Variants in WNK1 observed in about 807,000 individuals in gnomAD.
WNK1 encodes the protein WNK lysine deficient protein kinase 1, also known as serine/threonine-protein kinase WNK1.
Under a neutral mutation model 222.8 loss-of-function variants are expected in WNK1, and 38 were observed. The observed-to-expected ratio is 0.17, with a 90% CI of 0.13 to 0.22. WNK1 has a LOEUF of 0.22. Among genes scored for constraint, WNK1 ranks in the 10% least tolerant of loss-of-function variants. WNK1 has a pLI of 1.00. For missense variants in WNK1, 2,348 were observed against 2,918.4 expected (o/e 0.80, Z 4.50); for synonymous variants, 1,090 against 1,092.9 (o/e 1.00, Z 0.05).
chr12:891,602 C>CTTT lies in WNK1; in HGVS notation c.5509+1104_5509+1106dup, dbSNP rs71441624. 4.2e-4 allele frequency among the ~76,000 whole-genome samples: 53 copies of CTTT among 126,012 alleles called. No homozygotes were observed. The South Asian group carries it at 0.011, about 26-fold the overall frequency. The allele number at this position is 126,012 out of a possible 152,430, so 82.7% of individuals were successfully genotyped here. On this transcript the variant is annotated intron_variant, in intron 22 of 27. Transcript: ENST00000315939. ...ATGAAATCATAAGGGGATTTTTTTT[C>CTTT]TTTTTTTTTTTTTTTTTAGTTTTTT...
intron 4 of WNK1, among the ~76,000 whole-genome samples, chr12:847,218 G>T (rs1015522346): frequency 6.6e-6 from 1 of 152,022 alleles, no homozygotes; most frequent in Non-Finnish European, 1.5e-5. Flanking sequence ...TTCACAAGGC[G>T]GTAGACTACA....
At chr12:771,582 A>G (rs1942504873) in intron 1 of WNK1, among the ~76,000 whole-genome samples, 1 of 151,970 alleles carries the variant, frequency 6.6e-6, no homozygotes, top group African/African-American at 2.4e-5. Flanking sequence ...TTACAGGGGT[A>G]TGCCACCACG....
Position 883,548 on chromosome 12 carries a change from T to A in WNK1, c.3643T>A (p.Tyr1215Asn). 6.2e-7 allele frequency: 1 copy of A among 1,613,614 alleles called. No individual in the cohort carries two copies. The highest frequency in any genetic ancestry group is 8.5e-7 in the Non-Finnish European group (1 of 1,179,712). Reference sequence around the variant, plus strand: ...GGAGAGTCTACAAGGAAAGGATGACTATGGCTTTTCAGGTTCTCAGGTAGG... The same window carrying A: ...GGAGAGTCTACAAGGAAAGGATGACAATGGCTTTTCAGGTTCTCAGGTAGG... ...GLESLQGKDD[Y>N]GFSGSQKLEG... is the part of the protein sequence containing the mutation. The change falls in exon 16 of 28, where the codon TAT becomes AAT. Residue 1215 changes from tyrosine (Y) to asparagine (N), a missense_variant. Physicochemically the swap from Tyr to Asn is moderately radical, Grantham distance 143 (BLOSUM62 -2). This residue lies in a region of WNK1 where 1,144 missense variants were observed against 1,273.6 expected (regional missense o/e 0.90). Transcript: ENST00000315939.
intron 1 of WNK1, among the ~76,000 whole-genome samples, chr12:755,076 A>G (rs1374237042): frequency 6.6e-6 from 1 of 152,222 alleles, no homozygotes; most frequent in Non-Finnish European, 1.5e-5. Flanking sequence ...AAGGAGTCGC[A>G]GCACTTCCTT....
At chr12:758,402 A>T (rs1328721317) in intron 1 of WNK1, among the ~76,000 whole-genome samples, 5 of 30,556 alleles carry the variant, frequency 1.6e-4, no homozygotes, top group African/African-American at 5.2e-4. Flanking sequence ...TTTTTTTGAG[A>T]CGGAGTCTCG....
intron 1 of WNK1, among the ~76,000 whole-genome samples, chr12:772,428 T>A (rs544658399): frequency 1.4e-5 from 1 of 69,532 alleles, no homozygotes; most frequent in Admixed American, 1.3e-4. Flanking sequence ...TGTGTGTATG[T>A]ATGTGTGTGT....
chr12:856,358 G>A (rs896385385), intron 4 of WNK1, among the ~76,000 whole-genome samples: 5 of 151,904 alleles, frequency 3.3e-5, no homozygotes, highest in African/African-American at 1.2e-4. Flanking sequence ...GGAGGCTGAG[G>A]CAGGAGAATC....
chr12:891,038 G>A (rs780706058), intron 22 of WNK1, among the ~76,000 whole-genome samples: 1 of 152,130 alleles, frequency 6.6e-6, no homozygotes, highest in East Asian at 1.9e-4. Context: ...ATCAAAATAT[G>A]TAGAGTATCA....
intron 9 of WNK1, among the ~76,000 whole-genome samples, chr12:872,169 A>C (rs981925554): frequency 6.6e-6 from 1 of 152,138 alleles, no homozygotes; most frequent in African/African-American, 2.4e-5. Context: ...TCTGTTGCCC[A>C]GGCTGGAGTG....
chr12:779,846 G>C (rs1371106638), intron 1 of WNK1, among the ~76,000 whole-genome samples: 2 of 152,106 alleles, frequency 1.3e-5, no homozygotes, highest in Non-Finnish European at 2.9e-5. Context: ...TGGATGCGAA[G>C]AACTCTGTAC....
At chr12:756,362 T>C (rs183160640) in intron 1 of WNK1, among the ~76,000 whole-genome samples, 1 of 152,376 alleles carries the variant, frequency 6.6e-6, no homozygotes, top group East Asian at 1.9e-4. Context: ...TTGTCTAATG[T>C]CACGATAAAA....
At chr12:888,793 CAGT>C (rs1829330715) in intron 20 of WNK1, among the ~76,000 whole-genome samples, 1 of 152,112 alleles carries the variant, frequency 6.6e-6, no homozygotes, top group Non-Finnish European at 1.5e-5. Flanking sequence ...GTGAATCTAC[CAGT>C]AGATCTTTGT....
In WNK1 at chr12:885,523, A is replaced by G. The variant is rs1953571119; in HGVS notation, c.4719A>G (p.Pro1573=). 3 of 1,614,096 alleles carry G rather than the reference A, an allele frequency of 1.9e-6. No homozygotes were observed. The highest frequency in any genetic ancestry group is 1.7e-6 in the Non-Finnish European group (2 of 1,180,016). ...GTGGGCTGCATCCTTTGGTCATTCC[A>G]TCAGTGATAGCTTCTACTCCTATTC... The part of the protein sequence containing the change: ...QPGGLHPLVI[P]SVIASTPILP... Residue 1573 remains proline (P), a synonymous_variant, in exon 19 of 28, where the codon CCA becomes CCG. Coordinates refer to ENST00000315939, the MANE Select transcript of WNK1 (RefSeq NM_018979.4).
At chr12:878,045 G>A in intron 9 of WNK1, 167 bp from the exon 10 acceptor site, 1 of 850,358 alleles carries the variant, frequency 1.2e-6, no homozygotes, top group Non-Finnish European at 1.8e-6. Context: ...GAACATCAGA[G>A]GGAAAACAAA....
intron 8 of WNK1, among the ~76,000 whole-genome samples, chr12:862,700 T>C (rs1209232843): frequency 6.6e-6 from 1 of 152,226 alleles, no homozygotes; most frequent in Non-Finnish European, 1.5e-5. Flanking sequence ...GAATGCTGCA[T>C]GTGAGTACTC....
In WNK1 at chr12:753,313, A is replaced by G. The variant is rs549380671; in HGVS notation, c.-253A>G. On this transcript the variant is annotated 5_prime_UTR_variant, in exon 1 of 28. Transcript: ENST00000315939. This position sits in a 1 kb window ranked among gnomAD's most constrained non-coding sequence, Gnocchi z 5.2. ...CGTGCGGCGCTAACCCCCGTGGCTC[A>G]GCTCCCGAATCGCCCGCCTTCGAGC... The G allele has an allele frequency of 3.5e-4, 193 of 552,140 alleles. No individual in the cohort carries two copies. The African/African-American group carries it at 3.6e-3, about 10-fold the overall frequency. The allele number at this position is 552,140 out of a possible 1,614,324, so 34.2% of individuals were successfully genotyped here.
chr12:796,620 A>G (rs1945337265), intron 1 of WNK1, among the ~76,000 whole-genome samples: 1 of 152,148 alleles, frequency 6.6e-6, no homozygotes, highest in Admixed American at 6.5e-5. Context: ...GATAACTTAA[A>G]TTTCTTTGTG....
In WNK1 at chr12:764,364, G is replaced by A. The variant is rs970807204; in HGVS notation, c.759+10040G>A. On this transcript the variant is annotated intron_variant, in intron 1 of 27. Transcript: ENST00000315939. Reference sequence around the variant, plus strand: ...TATTAACAAATCATTAACACAGCACGGTGGCTCACGCCTGTAATCCCAGCA... The same window carrying A: ...TATTAACAAATCATTAACACAGCACAGTGGCTCACGCCTGTAATCCCAGCA... Among the ~76,000 whole-genome samples the A allele has an allele frequency of 2.7e-5, 4 of 146,886 alleles. 1 individual carries two copies. The highest frequency in any genetic ancestry group is 2.2e-4 in the South Asian group (1 of 4,490).
intron 8 of WNK1, among the ~76,000 whole-genome samples, chr12:863,085 G>A (rs1249660878): frequency 6.6e-6 from 1 of 151,728 alleles, no homozygotes; most frequent in Non-Finnish European, 1.5e-5. Context: ...GCCTCTGAAA[G>A]GTATTAGAAA....
Sources: allele counts gnomAD v4.1 joint callset (sites outside exome capture counted in the v4.1 genomes callset), GRCh38; gene constraint gnomAD v4.1.1; regional missense constraint gnomAD v4.1.1; non-coding constraint Gnocchi (gnomAD v3.1); transcripts MANE v1.5; gene names NCBI Gene and HGNC (gene_info 2026-07-23, HGNC 2026-07-21).